Variants in STK39 observed in about 807,000 individuals in gnomAD.
STK39 encodes serine/threonine kinase 39, also known as STE20/SPS1-related proline-alanine-rich protein kinase.
STK39 carries 20 observed loss-of-function variants against 77.8 expected under a neutral mutation model. The observed-to-expected ratio is 0.26, with a 90% confidence interval of 0.18 to 0.37. The LOEUF (loss-of-function observed/expected upper bound fraction) is 0.37. STK39 is among the 10% of genes least tolerant of loss of function. STK39 has a pLI of 1.00. For missense variants in STK39, 479 were observed against 656.5 expected (o/e 0.73, Z 2.95); for synonymous variants, 246 against 234.1 (o/e 1.05, Z -0.47).
intron 10 of STK39, among the ~76,000 whole-genome samples, chr2:168,114,526 G>A (rs991154716): frequency 1.3e-5 from 2 of 152,120 alleles, no homozygotes; most frequent in East Asian, 1.9e-4. Flanking sequence ...TGGGGAAATC[G>A]AGGCTCAGAG....
chr2:168,121,663 C>T (rs1367085927), intron 10 of STK39, among the ~76,000 whole-genome samples: 1 of 152,222 alleles, frequency 6.6e-6, no homozygotes, highest in African/African-American at 2.4e-5. Context: ...CCCACCCCAC[C>T]TACAGGACAC....
intron 10 of STK39, among the ~76,000 whole-genome samples, chr2:168,118,230 G>A (rs1687308497): frequency 6.6e-6 from 1 of 152,072 alleles, no homozygotes; most frequent in South Asian, 2.1e-4. Flanking sequence ...GCTCATGCAC[G>A]CAAGCTTTTG....
At chr2:168,210,462 C>T (rs960655073) in intron 1 of STK39, among the ~76,000 whole-genome samples, 15 of 152,178 alleles carry the variant, frequency 9.9e-5, no homozygotes, top group Non-Finnish European at 1.3e-4. Context: ...CTGGATCATA[C>T]AAGCTGCACA....
intron 16 of STK39, among the ~76,000 whole-genome samples, chr2:168,001,856 G>A (rs1343440739): frequency 6.6e-6 from 1 of 152,166 alleles, no homozygotes; most frequent in Non-Finnish European, 1.5e-5. Context: ...TACACACTTG[G>A]TAATGTTAGA....
chr2:168,108,028 A>C (rs1461857732), intron 10 of STK39, among the ~76,000 whole-genome samples: 3 of 152,156 alleles, frequency 2.0e-5, no homozygotes, highest in African/African-American at 7.2e-5. Context: ...TGTTTCAAAA[A>C]CCCTGGCAAA....
chr2:168,089,971 A>G (rs1459286211), intron 10 of STK39, among the ~76,000 whole-genome samples: 2 of 152,350 alleles, frequency 1.3e-5, no homozygotes, highest in African/African-American at 2.4e-5. Flanking sequence ...GGTTTGGTCA[A>G]TGAAACTGCC....
intron 1 of STK39, among the ~76,000 whole-genome samples, chr2:168,203,756 C>G (rs1466433158): frequency 6.6e-6 from 1 of 152,216 alleles, no homozygotes; most frequent in East Asian, 1.9e-4. Flanking sequence ...CCGTGCCCCA[C>G]TAATTTTTTG....
At chr2:168,187,262 A>T (rs1220369562) in intron 1 of STK39, among the ~76,000 whole-genome samples, 1 of 152,110 alleles carries the variant, frequency 6.6e-6, no homozygotes, top group Non-Finnish European at 1.5e-5. Context: ...GAGGTGGGAG[A>T]ATCACTTGAA....
intron 1 of STK39, among the ~76,000 whole-genome samples, chr2:168,227,677 ATTTAT>A (rs746274389): frequency 6.6e-6 from 1 of 152,052 alleles, no homozygotes; most frequent in Non-Finnish European, 1.5e-5. Context: ...TTTCTTTTTT[ATTTAT>A]TTATTTTTTT....
chr2:168,140,496 C>G (rs79763779), intron 6 of STK39, 106 bp from the exon 7 acceptor site: 22 of 1,205,184 alleles, frequency 1.8e-5, no homozygotes, highest in Middle Eastern at 1.9e-4. Flanking sequence ...ATAACTTTCA[C>G]GTTAGTTTGC....
intron 1 of STK39, among the ~76,000 whole-genome samples, chr2:168,188,326 T>C (rs754273150): frequency 1.3e-5 from 2 of 152,202 alleles, no homozygotes; most frequent in African/African-American, 2.4e-5. Flanking sequence ...TTCAGCCAAC[T>C]GTCACCATCT....
chr2:168,091,046 T>C (rs939509838), intron 10 of STK39, among the ~76,000 whole-genome samples: 4 of 152,114 alleles, frequency 2.6e-5, no homozygotes, highest in African/African-American at 9.7e-5. Context: ...CAGACCCATG[T>C]TGGTTCACTA....
intron 14 of STK39, among the ~76,000 whole-genome samples, chr2:168,043,046 C>T (rs984372831): frequency 3.3e-5 from 5 of 152,136 alleles, no homozygotes; most frequent in African/African-American, 1.2e-4. Flanking sequence ...CCCTAACACC[C>T]ACAGTTAAGA....
intron 16 of STK39, among the ~76,000 whole-genome samples, chr2:167,998,930 G>A (rs916889503): frequency 3.9e-5 from 6 of 152,200 alleles, no homozygotes; most frequent in African/African-American, 1.4e-4. Context: ...CTGAAGGAAA[G>A]CATTTATTTG....
chr2:168,141,374 C>T (rs1687975857), intron 5 of STK39, among the ~76,000 whole-genome samples: 1 of 152,102 alleles, frequency 6.6e-6, no homozygotes, highest in Non-Finnish European at 1.5e-5. Context: ...GAAATGTACC[C>T]GTGAACATTT....
At chr2:168,171,355 C>G (rs138547576) in intron 2 of STK39, among the ~76,000 whole-genome samples, 2,698 of 151,808 alleles carry the variant, frequency 0.018, 41 homozygotes, top group Middle Eastern at 0.045. Context: ...CCAGACATTA[C>G]GCGCGTCATG....
At chr2:168,234,147 G>A (rs962691859) in intron 1 of STK39, among the ~76,000 whole-genome samples, 4 of 152,122 alleles carry the variant, frequency 2.6e-5, no homozygotes, top group Non-Finnish European at 5.9e-5. Flanking sequence ...TTATTAAAAG[G>A]TGGCCTCACA....
At chr2:168,160,069 T>C (rs970350244) in intron 5 of STK39, among the ~76,000 whole-genome samples, 3 of 152,174 alleles carry the variant, frequency 2.0e-5, no homozygotes, top group African/African-American at 7.2e-5. Context: ...AAGGACAATG[T>C]GTTCCAGAAG....
At chr2:168,091,150 GCACACACACACA>G (rs71927823) in intron 10 of STK39, among the ~76,000 whole-genome samples, 3 of 147,650 alleles carry the variant, frequency 2.0e-5, no homozygotes, top group Admixed American at 6.8e-5. Context: ...ACAAACAGGT[GCACACACACACA>G]CACACACACA....
Sources: gnomAD v4.1 joint callset for allele counts (sites outside exome capture counted in the v4.1 genomes callset) on GRCh38, gnomAD v4.1.1 for gene constraint, MANE v1.5 for transcripts, NCBI Gene and HGNC (gene_info 2026-07-23, HGNC 2026-07-21) for gene names.